The following DNAH6 variants were observed in gnomAD, a reference collection of about 807,000 sequenced individuals.
DNAH6 encodes the protein axonemal beta dynein heavy chain 6.
Under a neutral mutation model 491.4 loss-of-function variants are expected in DNAH6, and 340 were observed. The observed-to-expected ratio is 0.69, with a 90% CI of 0.63 to 0.76. The LOEUF (loss-of-function observed/expected upper bound fraction) is 0.76. Ranked by LOEUF, DNAH6 falls within the 30% of genes least tolerant of loss-of-function variation. The pLI, the probability that DNAH6 is intolerant of heterozygous loss-of-function variation, is 0.00. For missense variants in DNAH6, 4,443 were observed against 4,972.2 expected (o/e 0.89, Z 3.20); for synonymous variants, 1,603 against 1,686.1 (o/e 0.95, Z 1.21).
intron 9 of DNAH6, 77 bp downstream of exon 9, chr2:84,550,134 G>A (rs952027729): frequency 8.5e-7 from 1 of 1,180,004 alleles, no homozygotes; most frequent in Admixed American, 2.5e-5. Context: ...TATGAATTAT[G>A]CTATTTTCTG....
Position 84,528,754 on chromosome 2 carries a change from T to C in DNAH6, c.400-150T>C, listed in dbSNP as rs1676844748. 3 of 701,820 alleles carry C rather than the reference T, an allele frequency of 4.3e-6. No homozygotes were observed. The African/African-American group carries it at 5.4e-5, about 13-fold the overall frequency. The allele number at this position is 701,820 out of a possible 1,614,324, so 43.5% of individuals were successfully genotyped here. On this transcript the variant is annotated intron_variant, in intron 3 of 76. Coordinates refer to ENST00000389394, the MANE Select transcript of DNAH6 (RefSeq NM_001370.2). ...AAGGAATATGACTGCCTAACAATAG[T>C]TTGAAAATTTTCAGTGCCAAAATGC...
chr2:84,745,496 T>C (rs993307282), intron 63 of DNAH6, among the ~76,000 whole-genome samples: 1 of 152,054 alleles, frequency 6.6e-6, no homozygotes, highest in African/African-American at 2.4e-5. Flanking sequence ...AAACCGCGTC[T>C]CTACTAAAAA....
In DNAH6 at chr2:84,525,671, CA is replaced by C; in HGVS notation, c.340del (p.Ser114ValfsTer16). ...ATCATTAAACGTCCAGTAAGCATAGCAAAAAAAAGTTTTGCCACATCATCTA... is the reference window on the plus strand; with the variant it reads ...ATCATTAAACGTCCAGTAAGCATAGCAAAAAAAGTTTTGCCACATCATCTA... The part of the protein sequence containing the change: ...AGIIKRPVSI[A>X]KKSFATSSTQ... On this transcript the variant is annotated frameshift_variant, in exon 3 of 77. Coordinates refer to ENST00000389394, the MANE Select transcript of DNAH6 (RefSeq NM_001370.2). LOFTEE classifies it high-confidence loss of function. The C allele has an allele frequency of 1.0e-5, 16 of 1,548,128 alleles. No individual in the cohort carries two copies. Among genetic ancestry groups the C allele is most frequent in the African/African-American group, 2.7e-5 (2 of 72,760 alleles).
upstream of DNAH6, among the ~76,000 whole-genome samples, chr2:84,514,115 A>T (rs1192694356): frequency 6.6e-6 from 1 of 152,198 alleles, no homozygotes; most frequent in African/African-American, 2.4e-5. Flanking sequence ...TTGTACCCAC[A>T]GCACCCACAG....
chr2:84,688,277 G>T (rs1694484746), intron 44 of DNAH6, among the ~76,000 whole-genome samples, 162 bp from the exon 45 acceptor site: 1 of 149,978 alleles, frequency 6.7e-6, no homozygotes, highest in Non-Finnish European at 1.5e-5. Context: ...ATATAGCATT[G>T]TGAGAAAAAT....
intron 10 of DNAH6, among the ~76,000 whole-genome samples, chr2:84,555,129 C>A (rs9309617): frequency 0.82 from 124,490 of 152,174 alleles, 53,493 homozygotes; most frequent in East Asian, 0.99. Flanking sequence ...TAGTCATTAG[C>A]CTTAATCATT....
the DNAH6 span, among the ~76,000 whole-genome samples, chr2:84,475,952 G>A: frequency 3.5e-3 from 529 of 152,040 alleles, 1 homozygote; most frequent in Non-Finnish European, 5.6e-3. Flanking sequence ...TTTTCTAATC[G>A]ACCCCAATCA....
At chr2:84,534,073 T>C (rs928092106) in intron 4 of DNAH6, among the ~76,000 whole-genome samples, 2 of 152,076 alleles carry the variant, frequency 1.3e-5, no homozygotes, top group African/African-American at 4.8e-5. Flanking sequence ...TTTATTATTT[T>C]AAAATTTGCA....
At chr2:84,674,568 G>A (rs1415697027) in intron 40 of DNAH6, among the ~76,000 whole-genome samples, 3 of 152,148 alleles carry the variant, frequency 2.0e-5, no homozygotes, top group Non-Finnish European at 2.9e-5. Context: ...ACCAACACAG[G>A]GAGCCCCGGA....
At chr2:84,491,437 T>TA in the DNAH6 span, among the ~76,000 whole-genome samples, 2 of 152,192 alleles carry the variant, frequency 1.3e-5, no homozygotes, top group Admixed American at 6.5e-5. Context: ...AAAAGCCACT[T>TA]ACAACAATTC....
rs1310876331 is a variant in DNAH6, at chr2:84,722,686, A to G, written c.9854A>G (p.Asn3285Ser). Residue 3285 changes from asparagine (N) to serine (S), a missense_variant, in exon 60 of 77, where the codon AAT becomes AGT. Around this residue, in one of 3 missense-constraint regions of DNAH6, gnomAD observed 1,463 missense variants for 1,656.6 expected, o/e 0.88. Transcript: ENST00000389394. Reference sequence around the variant, plus strand: ...GCAGAGTCCACTGAGCAGATGATCAATGTGGCTCGTGAGAAGTATCGTCCA... The same window carrying G: ...GCAGAGTCCACTGAGCAGATGATCAGTGTGGCTCGTGAGAAGTATCGTCCA... ...EEAESTEQMI[N>S]VAREKYRPVA... 3.2e-5 allele frequency: 50 copies of G among 1,550,232 alleles called. No individual in the cohort carries two copies. Among genetic ancestry groups the G allele is most frequent in the Non-Finnish European group, 4.4e-5 (50 of 1,146,504 alleles).
intron 61 of DNAH6, among the ~76,000 whole-genome samples, chr2:84,733,037 T>C (rs933286928): frequency 2.0e-5 from 3 of 152,246 alleles, no homozygotes; most frequent in Admixed American, 6.5e-5. Flanking sequence ...TTGCTACTGA[T>C]ACTGCTCCAT....
chr2:84,727,969 G>A, intron 61 of DNAH6, 67 bp downstream of exon 61: 2 of 991,326 alleles, frequency 2.0e-6, no homozygotes, highest in Non-Finnish European at 3.1e-6. Context: ...ATCTCATTTT[G>A]AATTGTAGCT....
rs749623052 is a variant in DNAH6 at position 84,529,112 on chromosome 2, A to G, written c.608A>G (p.Tyr203Cys). 6 of 1,550,862 alleles carry G rather than the reference A, an allele frequency of 3.9e-6. No homozygotes were observed. The South Asian group carries it at 7.1e-5, about 18-fold the overall frequency. Residue 203 changes from tyrosine to cysteine, a missense_variant, in exon 4 of 77, where the codon TAT becomes TGT. Physicochemically the swap from Tyr to Cys is radical, Grantham distance 194. This residue lies in a region of DNAH6 where 2,977 missense variants were observed against 3,296.6 expected (regional missense o/e 0.90). Transcript: ENST00000389394. ...IRENEHLGFL[Y>C]MIPAVPRSSI... ...GAAAATGAACATCTTGGATTTCTTTATATGATCCCTGCAGTGCCAAGATCA... is the reference window on the plus strand; with the variant it reads ...GAAAATGAACATCTTGGATTTCTTTGTATGATCCCTGCAGTGCCAAGATCA...
chr2:84,784,619 T>TA, intron 65 of DNAH6, 103 bp from the exon 66 acceptor site: 1 of 710,356 alleles, frequency 1.4e-6, no homozygotes, highest in South Asian at 1.8e-5. Context: ...AAACAAAGCT[T>TA]ATAGCATTTT....
intron 4 of DNAH6, among the ~76,000 whole-genome samples, chr2:84,536,365 C>T (rs911417283): frequency 6.6e-6 from 1 of 152,074 alleles, no homozygotes; most frequent in African/African-American, 2.4e-5. Context: ...AATATATTAA[C>T]ACTTACTGAC....
Position 84,722,719 on chromosome 2 carries a change from C to G in DNAH6, c.9887C>G (p.Thr3296Ser). Reference protein sequence around the residue: ...VAREKYRPVATQGSVMYFVIA... With the variant: ...VAREKYRPVASQGSVMYFVIA... ...CGTGAGAAGTATCGTCCAGTGGCCA[C>G]TCAAGGCTCTGTAATGTACTTTGTC... The change falls in exon 60 of 77, where the codon ACT becomes AGT. Residue 3296 changes from threonine (T) to serine (S), a missense_variant. Coordinates refer to ENST00000389394, the MANE Select transcript of DNAH6 (RefSeq NM_001370.2). 1 of 1,548,748 alleles carries G rather than the reference C, an allele frequency of 6.5e-7. No homozygotes were observed. The highest frequency in any genetic ancestry group is 1.4e-5 in the African/African-American group (1 of 72,934).
At chr2:84,559,647 C>T (rs368487522) in intron 11 of DNAH6, among the ~76,000 whole-genome samples, 110 of 152,130 alleles carry the variant, frequency 7.2e-4, no homozygotes, top group African/African-American at 2.5e-3. Context: ...GAACAGAATG[C>T]TCTTGAACTA....
At chr2:84,485,494 C>T in the DNAH6 span, among the ~76,000 whole-genome samples, 2 of 152,084 alleles carry the variant, frequency 1.3e-5, no homozygotes, top group South Asian at 2.1e-4. Flanking sequence ...ATCATCTGGA[C>T]TCTAGATGTT....
Sources: allele counts gnomAD v4.1 joint callset (sites outside exome capture counted in the v4.1 genomes callset), GRCh38; gene constraint gnomAD v4.1.1; regional missense constraint gnomAD v4.1.1; transcripts MANE v1.5; gene names NCBI Gene and HGNC (gene_info 2026-07-23, HGNC 2026-07-21).